ASTN1: variants seen among roughly 807,000 people sequenced by gnomAD.
ASTN1 encodes astrotactin 1.
ASTN1 carries 41 observed loss-of-function variants against 140.7 expected under a neutral mutation model. That is an observed-to-expected ratio of 0.29 (90% CI 0.23 to 0.38). The LOEUF (loss-of-function observed/expected upper bound fraction) is 0.38, where lower values mean the gene tolerates loss of function less well. Ranked by LOEUF, ASTN1 falls within the 10% of genes least tolerant of loss-of-function variation. The pLI, the probability that ASTN1 is intolerant of heterozygous loss-of-function variation, is 1.00. For missense variants in ASTN1, 1,479 were observed against 1,678.8 expected (o/e 0.88, Z 2.08); for synonymous variants, 640 against 652.2 (o/e 0.98, Z 0.29).
At position 177,014,280 on chromosome 1, in the gene ASTN1, T is replaced by C. The variant is rs150842595; in HGVS notation, c.1523+511A>G. The stretch of plus-strand genomic sequence containing the variant: ...TGTCTAGGGGAAAACAAAAGTCTCA[T>C]TGGGAAATGGTAATTGGGGATCAAG... On this transcript the variant is annotated intron_variant, in intron 8 of 22. Transcript: ENST00000361833. Among the ~76,000 whole-genome samples the C allele has an allele frequency of 7.9e-5, 12 of 152,300 alleles. No individual in the cohort carries two copies. The East Asian group carries it at 1.7e-3, about 22-fold the overall frequency.
intron 2 of ASTN1, among the ~76,000 whole-genome samples, chr1:177,045,960 T>A (rs35923165): frequency 0.56 from 84,655 of 152,030 alleles, 24,009 homozygotes; most frequent in Non-Finnish European, 0.61. Context: ...ACCTTCTCTT[T>A]GAAACGAAAG....
chr1:176,906,781 G>A (rs933351753), intron 16 of ASTN1, among the ~76,000 whole-genome samples: 1 of 151,040 alleles, frequency 6.6e-6, no homozygotes, highest in Admixed American at 6.6e-5. Flanking sequence ...TTGAACCTGA[G>A]AGGCGGAGGT....
In ASTN1 at chr1:176,981,211, CAAAAAAAAAAAA is replaced by C. The variant is rs35209486; in HGVS notation, c.1524-15986_1524-15975del. On this transcript the variant is annotated intron_variant, in intron 8 of 22. Coordinates refer to ENST00000361833, the MANE Select transcript of ASTN1 (RefSeq NM_004319.3). The stretch of plus-strand genomic sequence containing the variant: ...TGGGTGACAGAAGGAGACTCTGTCT[CAAAAAAAAAAAA>C]AAAAAAAAAAAAAAAAAAGGAAGCA... Among the ~76,000 whole-genome samples the C allele has an allele frequency of 3.7e-4, 9 of 24,062 alleles. No individual in the cohort carries two copies. The East Asian group carries it at 8.0e-3, about 21-fold the overall frequency. 15.8% of individuals were successfully genotyped at this position (24,062 alleles called of 152,430 possible). A position where few individuals can be genotyped will look rare whatever the true frequency, so the allele number is the denominator to read the frequency against.
chr1:176,918,864 G>GTTC (rs1670607793), intron 16 of ASTN1, among the ~76,000 whole-genome samples: 1 of 152,088 alleles, frequency 6.6e-6, no homozygotes. Flanking sequence ...CCAGCCTCCA[G>GTTC]CCAGGCCCCT....
chr1:176,958,622 T>C, intron 9 of ASTN1, 140 bp from the exon 10 acceptor site: 1 of 1,224,794 alleles, frequency 8.2e-7, no homozygotes, highest in South Asian at 1.8e-5. Context: ...ATGGGTGCAA[T>C]GACTAAGTTC....
chr1:176,936,072 T>C, intron 15 of ASTN1, 194 bp downstream of exon 15: 3 of 663,636 alleles, frequency 4.5e-6, no homozygotes, highest in South Asian at 1.6e-5. Context: ...ACATGCAATG[T>C]AATCTCTACT....
At chr1:176,870,253 T>C (rs1170290033) in intron 21 of ASTN1, among the ~76,000 whole-genome samples, 1 of 152,220 alleles carries the variant, frequency 6.6e-6, no homozygotes, top group Non-Finnish European at 1.5e-5. Context: ...ATTCTGGGCA[T>C]GAAGAAATGA....
chr1:176,874,556 T>C (rs1167252066), intron 21 of ASTN1, among the ~76,000 whole-genome samples: 1 of 152,178 alleles, frequency 6.6e-6, no homozygotes, highest in Non-Finnish European at 1.5e-5. Context: ...CTTTATCACT[T>C]TACTTACTCC....
chr1:177,029,639 C>T lies in ASTN1; in HGVS notation c.1115G>A (p.Ser372Asn), dbSNP rs1248262393. 33 of 1,613,544 alleles carry T rather than the reference C, an allele frequency of 2.0e-5. No homozygotes were observed. The highest frequency in any genetic ancestry group is 2.8e-5 in the Non-Finnish European group (33 of 1,179,806). ...YTDPSRSRRR[S>N]RVGSPRSPVN... Reference sequence around the variant, plus strand: ...GCCACCTCTATCATTCCTACCTCTACTACGCCTCCTGCTCCTTGAAGGATC... The same window carrying T: ...GCCACCTCTATCATTCCTACCTCTATTACGCCTCCTGCTCCTTGAAGGATC... Residue 372 changes from serine to asparagine, a missense_variant, in exon 5 of 23, where the codon AGT becomes AAT. Physicochemically the swap from Ser to Asn is conservative, Grantham distance 46 (BLOSUM62 1). Transcript: ENST00000361833.
intron 2 of ASTN1, among the ~76,000 whole-genome samples, chr1:177,040,918 T>C: frequency 6.6e-6 from 1 of 152,200 alleles, no homozygotes; most frequent in East Asian, 1.9e-4. Context: ...ATTCTGTTTA[T>C]AGAACTGCTT....
intron 22 of ASTN1, among the ~76,000 whole-genome samples, chr1:176,868,620 T>A (rs992570245): frequency 1.3e-5 from 2 of 152,128 alleles, no homozygotes; most frequent in Non-Finnish European, 2.9e-5. Flanking sequence ...AGAGCAAAAT[T>A]TTTTTTCAGA....
intron 21 of ASTN1, among the ~76,000 whole-genome samples, chr1:176,875,085 G>A (rs745875688): frequency 6.6e-6 from 1 of 152,092 alleles, no homozygotes; most frequent in Non-Finnish European, 1.5e-5. Context: ...ATAAAACATG[G>A]TACTGTGAGG....
At chr1:176,980,766 A>G (rs2101879962) in intron 8 of ASTN1, among the ~76,000 whole-genome samples, 1 of 152,296 alleles carries the variant, frequency 6.6e-6, no homozygotes, top group East Asian at 1.9e-4. Context: ...GGAACATGAC[A>G]GCCTTGGTAA....
intron 9 of ASTN1, among the ~76,000 whole-genome samples, chr1:176,960,457 C>T (rs547180228): frequency 3.3e-5 from 5 of 152,190 alleles, no homozygotes; most frequent in African/African-American, 4.8e-5. Context: ...TTTAGGAAGC[C>T]GTTGGCAGTT....
At chr1:177,076,716 T>G (rs1678933156) in intron 1 of ASTN1, among the ~76,000 whole-genome samples, 1 of 151,982 alleles carries the variant, frequency 6.6e-6, no homozygotes, top group Admixed American at 6.6e-5. Flanking sequence ...GAGACGAGTG[T>G]TTCACCATGT....
chr1:177,120,132 G>A (rs1457056227), intron 1 of ASTN1, among the ~76,000 whole-genome samples: 2 of 152,228 alleles, frequency 1.3e-5, no homozygotes, highest in Non-Finnish European at 2.9e-5. Flanking sequence ...TGGAGGAGCA[G>A]TGGAGCTCCT....
intron 8 of ASTN1, among the ~76,000 whole-genome samples, chr1:176,970,008 T>G (rs916243995): frequency 6.6e-6 from 1 of 152,212 alleles, no homozygotes; most frequent in African/African-American, 2.4e-5. Context: ...CAGGCACACA[T>G]GGAAACGCGT....
chr1:177,069,285 T>C (rs758902373), intron 1 of ASTN1, among the ~76,000 whole-genome samples: 4 of 152,204 alleles, frequency 2.6e-5, no homozygotes, highest in Non-Finnish European at 4.4e-5. Context: ...AAGAGTAGCC[T>C]GATCTCTCTC....
intron 8 of ASTN1, among the ~76,000 whole-genome samples, chr1:176,983,576 C>T (rs1327180535): frequency 6.6e-6 from 1 of 152,200 alleles, no homozygotes; most frequent in Non-Finnish European, 1.5e-5. Flanking sequence ...TCTGCACTCA[C>T]TTCCCTTATC....
Sources: allele counts gnomAD v4.1 joint callset (sites outside exome capture counted in the v4.1 genomes callset), GRCh38; gene constraint gnomAD v4.1.1; transcripts MANE v1.5; gene names NCBI Gene and HGNC (gene_info 2026-07-23, HGNC 2026-07-21).